Variants in TMEM209 observed in about 807,000 individuals in gnomAD.
The protein encoded by TMEM209 is testicular tissue protein Li 202.
A neutral mutation model predicts 76.2 loss-of-function variants in TMEM209; 65 were observed. That is an observed-to-expected ratio of 0.85 (90% CI 0.70 to 1.05). The LOEUF (loss-of-function observed/expected upper bound fraction) is 1.05. TMEM209 is among the 50% of genes least tolerant of loss of function. The pLI is 0.00. For synonymous variants in TMEM209, 239 were observed against 237.6 expected, an observed-to-expected ratio of 1.01 and a Z score of -0.06; for missense variants, 623 against 685.5, an observed-to-expected ratio of 0.91 and a Z score of 1.02.
At chr7:130,196,186 T>C (rs563984627) in intron 5 of TMEM209, among the ~76,000 whole-genome samples, 21 of 152,316 alleles carry the variant, frequency 1.4e-4, no homozygotes, top group African/African-American at 4.8e-4. Context: ...AAAAAGTCTA[T>C]AAAGTAACTG....
At chr7:130,189,559 T>A (rs991456147) in intron 6 of TMEM209, among the ~76,000 whole-genome samples, 1 of 152,142 alleles carries the variant, frequency 6.6e-6, no homozygotes, top group African/African-American at 2.4e-5. Context: ...TATTCAGGAA[T>A]GAAGTGGAAT....
chr7:130,193,930 GACTC>G (rs1797883196), intron 5 of TMEM209, among the ~76,000 whole-genome samples: 1 of 149,986 alleles, frequency 6.7e-6, no homozygotes. Context: ...CGGGTGCGGT[GACTC>G]ACGCTTGTAG....
chr7:130,201,722 T>G (rs1798207782), intron 5 of TMEM209, 128 bp downstream of exon 5: 1 of 1,195,570 alleles, frequency 8.4e-7, no homozygotes, highest in African/African-American at 1.5e-5. Context: ...ATTCTCGGTT[T>G]TTAAATGGGT....
chr7:130,187,053 G>A (rs1216940960), intron 6 of TMEM209, among the ~76,000 whole-genome samples: 3 of 152,118 alleles, frequency 2.0e-5, no homozygotes, highest in Non-Finnish European at 2.9e-5. Context: ...GACAAGCCTG[G>A]CCAACATGGT....
At position 130,178,537 on chromosome 7, in the gene TMEM209, T is replaced by C. The variant is rs181021043; in HGVS notation, c.1121-10A>G. 2.5e-6 allele frequency: 4 copies of C among 1,612,582 alleles called. No individual in the cohort carries two copies. The East Asian group carries it at 8.9e-5, about 36-fold the overall frequency. On this transcript the variant is annotated splice_polypyrimidine_tract_variant and intron_variant, in intron 9 of 14. Coordinates refer to ENST00000397622, the MANE Select transcript of TMEM209 (RefSeq NM_032842.4). Reference sequence around the variant, plus strand: ...CTAGTAATACTAGCCTCTGTTAACATAAAACACAGAGAACACTGATTATTC... The same window carrying C: ...CTAGTAATACTAGCCTCTGTTAACACAAAACACAGAGAACACTGATTATTC...
chr7:130,181,203 T>A (rs1797401084), intron 9 of TMEM209, among the ~76,000 whole-genome samples: 1 of 152,184 alleles, frequency 6.6e-6, no homozygotes, highest in Non-Finnish European at 1.5e-5. Flanking sequence ...AAGAAGCCAG[T>A]CACAAAGTCA....
chr7:130,192,610 A>G lies in TMEM209; in HGVS notation c.775+12T>C. ...AAATATGTATAGTAGATATACAGAA[A>G]TATATATGTACCCAGCTTAACCCTA... On this transcript the variant is annotated intron_variant, in intron 6 of 14. Transcript: ENST00000397622. The G allele has an allele frequency of 6.2e-7, 1 of 1,610,638 alleles. No individual in the cohort carries two copies. Among genetic ancestry groups the G allele is most frequent in the Non-Finnish European group, 8.5e-7 (1 of 1,177,610 alleles).
chr7:130,168,346 T>C (rs1019624277), intron 14 of TMEM209, among the ~76,000 whole-genome samples: 13 of 152,150 alleles, frequency 8.5e-5, no homozygotes, highest in Non-Finnish European at 1.5e-5. Context: ...CACTGTAGCA[T>C]TTGGGGGATT....
At position 130,166,369 on chromosome 7, in the gene TMEM209, A is replaced by C; in HGVS notation, c.*82T>G. On this transcript the variant is annotated 3_prime_UTR_variant, in exon 15 of 15. Coordinates refer to ENST00000397622, the MANE Select transcript of TMEM209 (RefSeq NM_032842.4). ...ACACCCATGTGTATTTTATTTCAGA[A>C]GAGTCAGTGGCTCAGAGATGTTTAG... 8.9e-7 allele frequency: 1 copy of C among 1,119,348 alleles called. No individual in the cohort carries two copies. Among genetic ancestry groups the C allele is most frequent in the Non-Finnish European group, 1.3e-6 (1 of 786,460 alleles). The allele number at this position is 1,119,348 out of a possible 1,614,324, so 69.3% of individuals were successfully genotyped here.
rs182421438 is a variant in TMEM209, at chr7:130,199,511, C to T, written c.573+2339G>A. On this transcript the variant is annotated intron_variant, in intron 5 of 14. Transcript: ENST00000397622. ...CTGGGATTACAGGCGTGACCCGCTGCGCCCAGCCGTCACCTTTACTTTCTT... is the reference window on the plus strand; with the variant it reads ...CTGGGATTACAGGCGTGACCCGCTGTGCCCAGCCGTCACCTTTACTTTCTT... 3.9e-4 allele frequency among the ~76,000 whole-genome samples: 59 copies of T among 152,196 alleles called. 1 individual carries two copies. Among genetic ancestry groups the T allele is most frequent in the Admixed American group, 5.9e-4 (9 of 15,256 alleles).
chr7:130,205,368 C>G lies in TMEM209; in HGVS notation c.3+5G>C. The G allele has an allele frequency of 6.2e-7, 1 of 1,613,944 alleles. No homozygotes were observed. Among genetic ancestry groups the G allele is most frequent in the African/African-American group, 1.3e-5 (1 of 75,060 alleles). On this transcript the variant is annotated splice_donor_5th_base_variant and intron_variant, in intron 1 of 14. Coordinates refer to ENST00000397622, the MANE Select transcript of TMEM209 (RefSeq NM_032842.4). ...GGAAGCACAAACACGACCCCGAAAA[C>G]GCACCATGTCCTCTGGCCGGAAAAC...
chr7:130,198,535 C>T (rs542694601), intron 5 of TMEM209, among the ~76,000 whole-genome samples: 4 of 151,604 alleles, frequency 2.6e-5, no homozygotes, highest in Admixed American at 6.6e-5. Flanking sequence ...CCCTTCAACC[C>T]GGGAGGCAGA....
chr7:130,198,231 C>A (rs536331962), intron 5 of TMEM209, among the ~76,000 whole-genome samples: 5 of 152,230 alleles, frequency 3.3e-5, no homozygotes, highest in African/African-American at 1.2e-4. Context: ...CATGTTGTAC[C>A]ATACACCTAT....
chr7:130,171,032 G>A (rs967149221), intron 13 of TMEM209, among the ~76,000 whole-genome samples: 3 of 151,794 alleles, frequency 2.0e-5, no homozygotes, highest in African/African-American at 7.3e-5. Flanking sequence ...CCTGAAAGAT[G>A]AGCAGAAAGG....
At chr7:130,201,577 TA>T (rs2117036563) in intron 5 of TMEM209, among the ~76,000 whole-genome samples, 1 of 152,310 alleles carries the variant, frequency 6.6e-6, no homozygotes, top group Admixed American at 6.5e-5. Flanking sequence ...GCAACTAAAG[TA>T]AAAAATTATC....
At position 130,202,402 on chromosome 7, in the gene TMEM209, A is replaced by C. The variant is rs1327016848; in HGVS notation, c.331+130T>G. The stretch of plus-strand genomic sequence containing the variant: ...GAATGATAATCATTGGTCATAAGAC[A>C]ATTTATTGTATCCTGCTTAAGATAG... On this transcript the variant is annotated intron_variant, in intron 4 of 14. Coordinates refer to ENST00000397622, the MANE Select transcript of TMEM209 (RefSeq NM_032842.4). The C allele has an allele frequency of 2.3e-6, 3 of 1,299,286 alleles. No homozygotes were observed. In the Admixed American group the frequency reaches 7.1e-5, roughly 31 times the overall value. The allele number at this position is 1,299,286 out of a possible 1,614,324, so 80.5% of individuals were successfully genotyped here. A position where few individuals can be genotyped will look rare whatever the true frequency, so the allele number is the denominator to read the frequency against.
At chr7:130,189,725 T>G (rs1797729020) in intron 6 of TMEM209, among the ~76,000 whole-genome samples, 1 of 152,172 alleles carries the variant, frequency 6.6e-6, no homozygotes, top group African/African-American at 2.4e-5. Context: ...AGAAGTAACA[T>G]TATAAACTCA....
chr7:130,177,298 C>G (rs1797267346), intron 10 of TMEM209, among the ~76,000 whole-genome samples: 1 of 150,788 alleles, frequency 6.6e-6, no homozygotes, highest in Non-Finnish European at 1.5e-5. Flanking sequence ...TTGCAGTGAG[C>G]CAAGATTGCG....
At chr7:130,166,698 C>T (rs890797552) in intron 14 of TMEM209, among the ~76,000 whole-genome samples, 193 bp from the exon 15 acceptor site, 2 of 152,034 alleles carry the variant, frequency 1.3e-5, no homozygotes, top group African/African-American at 2.4e-5. Context: ...GCCTAAAACC[C>T]AAATTTAGAA....
Sources: allele counts gnomAD v4.1 joint callset (sites outside exome capture counted in the v4.1 genomes callset), GRCh38; gene constraint gnomAD v4.1.1; transcripts MANE v1.5; gene names NCBI Gene and HGNC (gene_info 2026-07-23, HGNC 2026-07-21).